The following SLC23A2 variants were observed in gnomAD, a reference collection of about 807,000 sequenced individuals.
The protein encoded by SLC23A2 is solute carrier family 23 member 2, also known as Na(+)/L-ascorbic acid transporter 2.
A neutral mutation model predicts 73.3 loss-of-function variants in SLC23A2; 36 were observed. The observed-to-expected ratio is 0.49, with a 90% confidence interval of 0.38 to 0.65. SLC23A2 has a LOEUF of 0.65. Ranked by LOEUF, SLC23A2 falls within the 30% of genes least tolerant of loss-of-function variation. The pLI is 0.00. For missense variants in SLC23A2, 507 were observed against 841.6 expected (o/e 0.60, Z 4.92); for synonymous variants, 343 against 327.3 (o/e 1.05, Z -0.52).
In SLC23A2 at chr20:4,997,237, C is replaced by T. The variant is rs115275548; in HGVS notation, c.-282+4169G>A. Among the ~76,000 whole-genome samples, 591 of 152,224 alleles carry T rather than the reference C, an allele frequency of 3.9e-3. 4 individuals are homozygous for T. Among genetic ancestry groups the T allele is most frequent in the African/African-American group, 0.013 (552 of 41,540 alleles). The stretch of plus-strand genomic sequence containing the variant: ...TAGATCAGTCCACCTCCCTTCTTTA[C>T]TCCAAAACCCTCCAATGGCTTCTAC... On this transcript the variant is annotated intron_variant, in intron 1 of 16. Transcript: ENST00000338244.
intron 6 of SLC23A2, 64 bp from the exon 7 acceptor site, chr20:4,885,973 T>C: frequency 9.7e-7 from 1 of 1,036,134 alleles, no homozygotes; most frequent in South Asian, 1.4e-5. Context: ...GTTCACTATT[T>C]GACAGCTTAA....
chr20:4,953,727 A>T (rs2087238877), intron 2 of SLC23A2, among the ~76,000 whole-genome samples: 1 of 152,068 alleles, frequency 6.6e-6, no homozygotes, highest in Non-Finnish European at 1.5e-5. Flanking sequence ...CATCTCTACT[A>T]AAAATACAAA....
chr20:4,877,068 G>A (rs950402719), intron 9 of SLC23A2, among the ~76,000 whole-genome samples: 4 of 152,010 alleles, frequency 2.6e-5, no homozygotes, highest in African/African-American at 9.7e-5. Context: ...TGTAAATGAC[G>A]AGTTAATGGG....
At chr20:4,951,622 G>C (rs939082555) in intron 2 of SLC23A2, among the ~76,000 whole-genome samples, 2 of 152,154 alleles carry the variant, frequency 1.3e-5, no homozygotes, top group Non-Finnish European at 2.9e-5. Flanking sequence ...CCTGGGGCTG[G>C]GGTGGGGATG....
chr20:4,877,940 GT>G (rs538741338), intron 9 of SLC23A2, among the ~76,000 whole-genome samples: 272 of 152,338 alleles, frequency 1.8e-3, no homozygotes, highest in African/African-American at 6.2e-3. Flanking sequence ...GAGTGACTTA[GT>G]TTGTACAACC....
chr20:4,869,902 G>A lies in SLC23A2; in HGVS notation c.1250+4C>T, dbSNP rs11699954. On this transcript the variant is annotated splice_donor_region_variant and intron_variant, in intron 12 of 16. Coordinates refer to ENST00000338244, the MANE Select transcript of SLC23A2 (RefSeq NM_005116.6). ...ATCAGGAACTTGTCTTCTCAGGAAC[G>A]TACCTGTTTATTGCGTGGATGGGGG... 26,121 of 1,589,000 alleles carry A rather than the reference G, an allele frequency of 0.016. 315 individuals are homozygous for A. The highest frequency in any genetic ancestry group is 0.041 in the South Asian group (3,717 of 90,372).
chr20:4,925,736 T>C (rs1932649734), intron 3 of SLC23A2, among the ~76,000 whole-genome samples: 1 of 152,170 alleles, frequency 6.6e-6, no homozygotes, highest in Non-Finnish European at 1.5e-5. Flanking sequence ...TGCACTAAAC[T>C]TGCGCCCCAA....
intron 1 of SLC23A2, among the ~76,000 whole-genome samples, chr20:4,974,428 T>C (rs1034404726): frequency 5.9e-5 from 9 of 151,764 alleles, no homozygotes; most frequent in South Asian, 4.2e-4. Context: ...AGATCGCGCA[T>C]TGCACTCCAG....
chr20:4,983,242 T>C (rs2087754971), intron 1 of SLC23A2, among the ~76,000 whole-genome samples: 1 of 152,198 alleles, frequency 6.6e-6, no homozygotes, highest in South Asian at 2.1e-4. Flanking sequence ...TAAATCTTTA[T>C]GACCTTGGGT....
chr20:4,974,960 T>A (rs148303091), intron 1 of SLC23A2, among the ~76,000 whole-genome samples: 2,698 of 152,220 alleles, frequency 0.018, 67 homozygotes, highest in African/African-American at 0.054. Flanking sequence ...CTAATTTTTG[T>A]ATTTTTAGTA....
At chr20:4,993,819 C>T (rs1023217841) in intron 1 of SLC23A2, among the ~76,000 whole-genome samples, 9 of 152,108 alleles carry the variant, frequency 5.9e-5, no homozygotes, top group East Asian at 1.9e-4. Flanking sequence ...CAGTGGCTCA[C>T]GGCTGTAATC....
At chr20:4,985,295 C>A in intron 1 of SLC23A2, among the ~76,000 whole-genome samples, 1 of 151,924 alleles carries the variant, frequency 6.6e-6, no homozygotes, top group Middle Eastern at 3.2e-3. Context: ...TGAAAATAAC[C>A]CAAATGTCCA....
At chr20:4,913,021 C>T (rs1463604534) in intron 3 of SLC23A2, 43 bp from the exon 4 acceptor site, 1 of 1,303,136 alleles carries the variant, frequency 7.7e-7, no homozygotes, top group African/African-American at 1.5e-5. Context: ...GCGTGAACCA[C>T]ATTTTCCTCC....
In SLC23A2 at chr20:5,008,781, G is replaced by T. The variant is rs759323294; in HGVS notation, c.-282+1401C>A. ...TTAAGATGGGTATGTTGCCCAGGCT[G>T]GTCTCGAACTCCTGGGCTCAAGTGA... On this transcript the variant is annotated intron_variant, in intron 1 of 16. Coordinates refer to the SLC23A2 transcript ENST00000379333. Among the ~76,000 whole-genome samples the T allele has an allele frequency of 8.6e-5, 13 of 151,874 alleles. No homozygotes were observed. In the South Asian group the frequency reaches 1.7e-3, roughly 19 times the overall value.
intron 1 of SLC23A2, among the ~76,000 whole-genome samples, chr20:4,976,995 T>C (rs2122246679): frequency 6.6e-6 from 1 of 151,804 alleles, no homozygotes; most frequent in East Asian, 1.9e-4. Flanking sequence ...ATAACAAAAA[T>C]GCATATCCAA....
rs1352825291 is a variant in SLC23A2, at chr20:4,883,757, C to T, written c.709G>A (p.Ala237Thr). 8 of 1,613,778 alleles carry T rather than the reference C, an allele frequency of 5.0e-6. No homozygotes were observed. The highest frequency in any genetic ancestry group is 6.8e-6 in the Non-Finnish European group (8 of 1,179,800). ...VVIGLLGLPG[A>T]LLKYIGPLTI... ...AAGGGACCGATGTACTTCAGTAGAG[C>T]CCCAGGCAGGCCGAGGAGGCCGATG... Residue 237 changes from alanine to threonine, a missense_variant, in exon 9 of 17, where the codon GCT (alanine) becomes ACT (threonine). Coordinates refer to ENST00000338244, the MANE Select transcript of SLC23A2 (RefSeq NM_005116.6). This position sits in a 1 kb window ranked among gnomAD's most constrained non-coding sequence, Gnocchi z 4.5.
chr20:4,914,578 C>G (rs539048936), intron 3 of SLC23A2, among the ~76,000 whole-genome samples: 2 of 151,992 alleles, frequency 1.3e-5, no homozygotes, highest in Admixed American at 6.5e-5. Context: ...AGCAATTATA[C>G]TCATAGAAGC....
chr20:4,854,769 C>A lies in SLC23A2; in HGVS notation c.*2203G>T, dbSNP rs16990301. 1 of 152,122 alleles carries A rather than the reference C, an allele frequency of 6.6e-6. No homozygotes were observed. The highest frequency in any genetic ancestry group is 1.5e-5 in the Non-Finnish European group (1 of 68,026). 9.4% of individuals were successfully genotyped at this position (152,122 alleles called of 1,614,324 possible). A position where few individuals can be genotyped will look rare whatever the true frequency, so the allele number is the denominator to read the frequency against. On this transcript the variant is annotated 3_prime_UTR_variant, in exon 17 of 17. Coordinates refer to ENST00000338244, the MANE Select transcript of SLC23A2 (RefSeq NM_005116.6). The stretch of plus-strand genomic sequence containing the variant: ...AGCAGACACCTTGAGTGTTATGCAG[C>A]GGAAGACGCCCAGTCAAGCTGAAGA...
chr20:4,916,227 T>C (rs1028724414), intron 3 of SLC23A2, among the ~76,000 whole-genome samples: 6 of 152,116 alleles, frequency 3.9e-5, no homozygotes, highest in African/African-American at 1.4e-4. Flanking sequence ...GTGCTCCAAG[T>C]CATATCGCAG....
Sources: allele counts gnomAD v4.1 joint callset (sites outside exome capture counted in the v4.1 genomes callset), GRCh38; gene constraint gnomAD v4.1.1; non-coding constraint Gnocchi (gnomAD v3.1); transcripts MANE v1.5; gene names NCBI Gene and HGNC (gene_info 2026-07-23, HGNC 2026-07-21).